KCNAB1: variants seen among roughly 807,000 people sequenced by gnomAD.
KCNAB1 encodes potassium voltage-gated channel subfamily A regulatory beta subunit 1.
Under a neutral mutation model 64.6 loss-of-function variants are expected in KCNAB1, and 35 were observed. The ratio of observed to expected loss-of-function variants is 0.54; its 90% CI spans 0.41 to 0.72. The LOEUF is 0.72. Among genes scored for constraint, KCNAB1 ranks in the 30% least tolerant of loss-of-function variants. The pLI is 0.00. For synonymous variants in KCNAB1, 177 were observed against 183.8 expected (o/e 0.96, Z 0.30); for missense variants, 401 against 512.9 (o/e 0.78, Z 2.11).
intron 1 of KCNAB1, among the ~76,000 whole-genome samples, chr3:156,137,267 G>C (rs1714407039): frequency 1.3e-5 from 2 of 151,892 alleles, no homozygotes; most frequent in African/African-American, 4.8e-5. Flanking sequence ...GTATACAGTA[G>C]ATAAGCAGTA....
chr3:156,158,774 A>G (rs1352752285), intron 1 of KCNAB1, among the ~76,000 whole-genome samples: 1 of 152,176 alleles, frequency 6.6e-6, no homozygotes, highest in Non-Finnish European at 1.5e-5. Context: ...CTCGTCTGCA[A>G]TGTGGCATGT....
intron 12 of KCNAB1, among the ~76,000 whole-genome samples, chr3:156,524,864 T>C (rs1244332993): frequency 1.4e-5 from 2 of 148,142 alleles, no homozygotes; most frequent in African/African-American, 5.0e-5. Flanking sequence ...ACGGACAACA[T>C]ATATGTAGGT....
chr3:156,245,614 A>G (rs1177207879), intron 1 of KCNAB1, among the ~76,000 whole-genome samples: 1 of 152,214 alleles, frequency 6.6e-6, no homozygotes, highest in Non-Finnish European at 1.5e-5. Context: ...ATAATATTTG[A>G]AACATGGAAA....
chr3:156,269,551 A>AT (rs1294937643), intron 1 of KCNAB1, among the ~76,000 whole-genome samples: 2 of 152,080 alleles, frequency 1.3e-5, no homozygotes, highest in Admixed American at 6.5e-5. Context: ...TTCTTTGTTG[A>AT]TTTTTTTGTT....
chr3:156,384,802 A>T (rs1191725289), intron 1 of KCNAB1, among the ~76,000 whole-genome samples: 1 of 151,722 alleles, frequency 6.6e-6, no homozygotes, highest in Non-Finnish European at 1.5e-5. Context: ...TTCTGTGAAA[A>T]CTCCCTTGGA....
chr3:156,372,374 T>C (rs1726365239), intron 1 of KCNAB1, among the ~76,000 whole-genome samples: 1 of 152,196 alleles, frequency 6.6e-6, no homozygotes, highest in Non-Finnish European at 1.5e-5. Context: ...CATAGGGTTG[T>C]TTTCAGGATT....
chr3:156,173,549 T>C (rs1190025570), intron 1 of KCNAB1, among the ~76,000 whole-genome samples: 1 of 152,198 alleles, frequency 6.6e-6, no homozygotes, highest in African/African-American at 2.4e-5. Context: ...TCTATCCAAT[T>C]GTCAGTGGGA....
intron 1 of KCNAB1, among the ~76,000 whole-genome samples, chr3:156,288,579 A>G (rs1329762475): frequency 6.6e-6 from 1 of 152,226 alleles, no homozygotes; most frequent in Admixed American, 6.5e-5. Context: ...CGACTGCTCC[A>G]TTAACACTGG....
In KCNAB1 at chr3:156,303,615, G is replaced by T. The variant is rs554793924; in HGVS notation, c.276-118001G>T. On this transcript the variant is annotated intron_variant, in intron 1 of 13. Coordinates refer to ENST00000490337, the MANE Select transcript of KCNAB1 (RefSeq NM_172160.3). The stretch of plus-strand genomic sequence containing the variant: ...GGAAGTCATTCTAAAATAGGGATAG[G>T]AGGATATTGCTCTAGAACCCCTCAC... Among the ~76,000 whole-genome samples, 6 of 152,268 alleles carry T rather than the reference G, an allele frequency of 3.9e-5. No individual in the cohort carries two copies. In the East Asian group the frequency reaches 1.2e-3, roughly 29 times the overall value.
intron 1 of KCNAB1, among the ~76,000 whole-genome samples, chr3:156,369,142 G>A (rs1726142917): frequency 6.6e-6 from 1 of 151,946 alleles, no homozygotes; most frequent in African/African-American, 2.4e-5. Context: ...CCACTATTCT[G>A]ATTTCTTTTA....
At chr3:156,427,252 C>G (rs1278597493) in intron 2 of KCNAB1, among the ~76,000 whole-genome samples, 1 of 152,114 alleles carries the variant, frequency 6.6e-6, no homozygotes, top group Non-Finnish European at 1.5e-5. Context: ...GAGCTTGTGA[C>G]CTCCCAGCTT....
At chr3:156,398,633 C>T (rs972952585) in intron 1 of KCNAB1, among the ~76,000 whole-genome samples, 1 of 150,254 alleles carries the variant, frequency 6.7e-6, no homozygotes, top group African/African-American at 2.5e-5. Flanking sequence ...TTGATAGGTG[C>T]AGCAAACCAC....
At chr3:156,430,435 T>G (rs1222072223) in intron 2 of KCNAB1, among the ~76,000 whole-genome samples, 1 of 152,182 alleles carries the variant, frequency 6.6e-6, no homozygotes, top group Non-Finnish European at 1.5e-5. Flanking sequence ...ATGAAACAAG[T>G]GGCTTCAAAA....
intron 1 of KCNAB1, among the ~76,000 whole-genome samples, chr3:156,151,195 TG>T (rs1487367145): frequency 6.6e-6 from 1 of 152,242 alleles, no homozygotes; most frequent in Admixed American, 6.5e-5. Flanking sequence ...CTTGTGGGCC[TG>T]GCTCATCACC....
At chr3:156,120,406 T>A, upstream of KCNAB1, 1 of 629,496 alleles carries the variant, frequency 1.6e-6, no homozygotes, top group East Asian at 2.7e-5. Context: ...ATACCACAGG[T>A]ATTGGCCAGC....
intron 1 of KCNAB1, among the ~76,000 whole-genome samples, chr3:156,129,751 A>AT (rs1713883570): frequency 6.6e-6 from 1 of 152,154 alleles, no homozygotes; most frequent in Non-Finnish European, 1.5e-5. Context: ...GCCATCTGTT[A>AT]TTTTGCCTCC....
chr3:156,272,471 C>T (rs1719092994), intron 1 of KCNAB1, among the ~76,000 whole-genome samples: 1 of 152,086 alleles, frequency 6.6e-6, no homozygotes, highest in Admixed American at 6.5e-5. Flanking sequence ...GCAGACGAGT[C>T]TCGCCATGTT....
chr3:156,278,825 T>A (rs1719510223), intron 1 of KCNAB1, among the ~76,000 whole-genome samples: 2 of 151,984 alleles, frequency 1.3e-5, no homozygotes, highest in Admixed American at 1.3e-4. Context: ...CAAAAAAAAA[T>A]GCTACATCAT....
At chr3:156,143,569 G>GTTGTTTTTTTTTTTTTTTTTTTT (rs1443482013) in intron 1 of KCNAB1, 1 of 281,608 alleles carries the variant, frequency 3.6e-6, no homozygotes, top group African/African-American at 2.9e-5. Context: ...TTGCATTCTT[G>GTTGTTTTTTTTTTTTTTTTTTTT]TTTTTTTTTT....
Sources: allele counts gnomAD v4.1 joint callset (sites outside exome capture counted in the v4.1 genomes callset), GRCh38; gene constraint gnomAD v4.1.1; transcripts MANE v1.5; gene names NCBI Gene and HGNC (gene_info 2026-07-23, HGNC 2026-07-21).